MSH3: variants seen among roughly 807,000 people sequenced by gnomAD.
MSH3 encodes mutS homolog 3.
MSH3 carries 106 observed loss-of-function variants against 123.3 expected under a neutral mutation model. That is an observed-to-expected ratio of 0.86 (90% confidence interval 0.73 to 1.01). The LOEUF is 1.01. Among genes scored for constraint, MSH3 ranks in the 50% least tolerant of loss-of-function variants. The pLI, the probability that MSH3 is intolerant of heterozygous loss-of-function variation, is 0.00. For synonymous variants in MSH3, 515 were observed against 481.4 expected (o/e 1.07, Z -0.91); for missense variants, 1,459 against 1,347.6 (o/e 1.08, Z -1.29).
chr5:80,866,919 C>T (rs1185260193), intron 22 of MSH3, among the ~76,000 whole-genome samples: 2 of 152,148 alleles, frequency 1.3e-5, no homozygotes, highest in East Asian at 3.8e-4. Flanking sequence ...TTCCTGTACC[C>T]TCAGATAGCT....
At position 80,683,847 on chromosome 5, in the gene MSH3, T is replaced by C. The variant is rs10042176; in HGVS notation, c.1340+4754T>C. On this transcript the variant is annotated intron_variant, in intron 8 of 23. Coordinates refer to ENST00000265081, the MANE Select transcript of MSH3 (RefSeq NM_002439.5). The stretch of plus-strand genomic sequence containing the variant: ...TTTAGATTTAAGTCTTTAATCCATT[T>C]TTGATTTGATTTTTGTATATGGTGA... Among the ~76,000 whole-genome samples the C allele has an allele frequency of 6.2e-3, 946 of 152,314 alleles. 8 individuals are homozygous for C. The highest frequency in any genetic ancestry group is 0.022 in the African/African-American group (911 of 41,560).
At chr5:80,824,637 G>A (rs1037460607) in intron 20 of MSH3, among the ~76,000 whole-genome samples, 1 of 152,140 alleles carries the variant, frequency 6.6e-6, no homozygotes, top group Non-Finnish European at 1.5e-5. Context: ...GTGTACTAGG[G>A]TATGAAGTGA....
At chr5:80,825,120 C>T (rs958149283) in intron 20 of MSH3, among the ~76,000 whole-genome samples, 5 of 152,086 alleles carry the variant, frequency 3.3e-5, no homozygotes, top group Non-Finnish European at 5.9e-5. Flanking sequence ...ATAATTCAGA[C>T]GTATAATAAT....
At chr5:80,710,158 C>A (rs144136468) in intron 8 of MSH3, among the ~76,000 whole-genome samples, 3 of 152,314 alleles carry the variant, frequency 2.0e-5, no homozygotes, top group Non-Finnish European at 4.4e-5. Context: ...CTCATAAACA[C>A]CCTTGTGAGG....
Position 80,660,923 on chromosome 5 carries a change from G to A in MSH3, c.359-4220G>A, listed in dbSNP as rs151052154. Among the ~76,000 whole-genome samples, 870 of 152,074 alleles carry A rather than the reference G, an allele frequency of 5.7e-3. 4 individuals carry two copies. Among genetic ancestry groups the A allele is most frequent in the Middle Eastern group, 0.02 (6 of 294 alleles). On this transcript the variant is annotated intron_variant, in intron 2 of 23. Coordinates refer to ENST00000265081, the MANE Select transcript of MSH3 (RefSeq NM_002439.5). ...AAGCAATTCTCCTGCCTCAGCCTCT[G>A]GAGTAGCTGGGATTACAGGCACTCG...
At position 80,659,369 on chromosome 5, in the gene MSH3, A is replaced by G. The variant is rs549129906; in HGVS notation, c.358+2838A>G. 1.3e-4 allele frequency among the ~76,000 whole-genome samples: 20 copies of G among 152,314 alleles called. No individual in the cohort carries two copies. In the South Asian group the frequency reaches 3.9e-3, roughly 30 times the overall value. ...TTTAGAACATTTTCATCACCCCAAA[A>G]GAAACCCTGTGCCCATTAACAGCCA... On this transcript the variant is annotated intron_variant, in intron 2 of 23. Coordinates refer to ENST00000265081, the MANE Select transcript of MSH3 (RefSeq NM_002439.5).
chr5:80,841,470 G>GAATC (rs1745624146), intron 20 of MSH3, among the ~76,000 whole-genome samples: 1 of 152,200 alleles, frequency 6.6e-6, no homozygotes, highest in Non-Finnish European at 1.5e-5. Context: ...GATCCTTGAG[G>GAATC]AATCGCCACA....
At chr5:80,819,106 C>T (rs1745156027) in intron 20 of MSH3, among the ~76,000 whole-genome samples, 2 of 150,610 alleles carry the variant, frequency 1.3e-5, no homozygotes, top group South Asian at 4.2e-4. Context: ...TTTTTTAATG[C>T]AGTAGAATGG....
chr5:80,679,323 G>A (rs1185659794), intron 8 of MSH3, among the ~76,000 whole-genome samples: 1 of 151,996 alleles, frequency 6.6e-6, no homozygotes, highest in African/African-American at 2.4e-5. Context: ...CTTGAGCCCC[G>A]GAATCTGAGA....
intron 8 of MSH3, among the ~76,000 whole-genome samples, chr5:80,685,805 C>G (rs920120131): frequency 3.9e-5 from 6 of 152,036 alleles, no homozygotes; most frequent in Non-Finnish European, 1.5e-5. Context: ...AAACTTCCCT[C>G]TTAGTACAGC....
intron 9 of MSH3, among the ~76,000 whole-genome samples, chr5:80,726,498 ACT>A: frequency 6.6e-6 from 1 of 151,824 alleles, no homozygotes; most frequent in East Asian, 1.9e-4. Flanking sequence ...GTAAGGTCTC[ACT>A]CTGTCACCCA....
intron 13 of MSH3, among the ~76,000 whole-genome samples, chr5:80,766,920 G>A (rs758958738): frequency 4.9e-4 from 74 of 151,956 alleles, no homozygotes; most frequent in Non-Finnish European, 9.3e-4. Context: ...TATTTATATA[G>A]AATAATGTAT....
Position 80,656,530 on chromosome 5 carries a change from T to C in MSH3, c.357T>C (p.Ser119=). 1.2e-6 allele frequency: 2 copies of C among 1,614,128 alleles called. No individual in the cohort carries two copies. Among genetic ancestry groups the C allele is most frequent in the Middle Eastern group, 1.6e-4 (1 of 6,062 alleles). Residue 119 remains serine (S), a splice_region_variant and synonymous_variant, in exon 2 of 24, where the codon TCT becomes TCC. Coordinates refer to ENST00000265081, the MANE Select transcript of MSH3 (RefSeq NM_002439.5). The stretch of plus-strand genomic sequence containing the variant: ...GTGATCTGGGAATGTCTGGCAACTC[T>C]GGTGAGTTGTGGGGGATTCTTTTTT... The part of the protein sequence containing the change: ...GGSDLGMSGN[S]EPKKCLRTRN...
chr5:80,831,648 T>G (rs986054185), intron 20 of MSH3, among the ~76,000 whole-genome samples: 1 of 151,144 alleles, frequency 6.6e-6, no homozygotes, highest in African/African-American at 2.4e-5. Context: ...AGTACTTTGT[T>G]AGTTAGGAGA....
intron 8 of MSH3, among the ~76,000 whole-genome samples, chr5:80,685,550 T>C (rs1037654578): frequency 2.6e-5 from 4 of 152,080 alleles, no homozygotes; most frequent in African/African-American, 9.7e-5. Context: ...TATTTGGGGT[T>C]TCTCTCTTTT....
intron 19 of MSH3, among the ~76,000 whole-genome samples, chr5:80,812,034 CTT>C (rs59483194): frequency 0.12 from 18,839 of 152,016 alleles, 1,506 homozygotes; most frequent in East Asian, 0.35. Flanking sequence ...GTGTTAAGCT[CTT>C]TCTGTCACAA....
intron 10 of MSH3, among the ~76,000 whole-genome samples, chr5:80,733,633 T>C (rs1031230976): frequency 6.6e-6 from 1 of 151,794 alleles, no homozygotes; most frequent in Non-Finnish European, 1.5e-5. Flanking sequence ...AAGTCAATGG[T>C]AAAAAGATAA....
intron 20 of MSH3, among the ~76,000 whole-genome samples, chr5:80,844,839 G>A (rs1052510077): frequency 6.6e-6 from 1 of 152,058 alleles, no homozygotes; most frequent in Non-Finnish European, 1.5e-5. Context: ...ACTGATGGGT[G>A]TTGACTCTTT....
chr5:80,786,063 A>G (rs1347508248), intron 17 of MSH3, among the ~76,000 whole-genome samples: 1 of 152,040 alleles, frequency 6.6e-6, no homozygotes, highest in African/African-American at 2.4e-5. Flanking sequence ...TAGTGGGTGC[A>G]GCACACCAGC....
Sources: allele counts gnomAD v4.1 joint callset (sites outside exome capture counted in the v4.1 genomes callset), GRCh38; gene constraint gnomAD v4.1.1; transcripts MANE v1.5; gene names NCBI Gene and HGNC (gene_info 2026-07-23, HGNC 2026-07-21).